AGBL1: variants seen among roughly 807,000 people sequenced by gnomAD.
The protein encoded by AGBL1 is AGBL carboxypeptidase 1.
A neutral mutation model predicts 118.9 loss-of-function variants in AGBL1; 130 were observed. The ratio of observed to expected loss-of-function variants is 1.09; its 90% confidence interval spans 0.95 to 1.26. The LOEUF (loss-of-function observed/expected upper bound fraction) is 1.26, where lower values mean the gene tolerates loss of function less well. Among genes scored for constraint, AGBL1 ranks in the 50% most tolerant of loss-of-function variants. The pLI is 0.00. For missense variants in AGBL1, 1,584 were observed against 1,298.1 expected, an observed-to-expected ratio of 1.22 and a Z score of -3.38; for synonymous variants, 555 against 478.9, an observed-to-expected ratio of 1.16 and a Z score of -2.08.
intron 22 of AGBL1, among the ~76,000 whole-genome samples, chr15:86,750,335 C>G (rs557979584): frequency 6.6e-6 from 1 of 151,788 alleles, no homozygotes; most frequent in South Asian, 2.1e-4. Flanking sequence ...ATTTCAATAC[C>G]TGTATACAAT....
chr15:86,591,367 G>C (rs527266753), intron 21 of AGBL1, among the ~76,000 whole-genome samples: 1 of 152,272 alleles, frequency 6.6e-6, no homozygotes, highest in South Asian at 2.1e-4. Context: ...CCTACAGATA[G>C]TGCCAGATGC....
chr15:86,523,260 T>A (rs1414443849), intron 19 of AGBL1, among the ~76,000 whole-genome samples: 2 of 152,204 alleles, frequency 1.3e-5, no homozygotes, highest in African/African-American at 4.8e-5. Context: ...TGGTGGTTGC[T>A]AGCAATCTTT....
chr15:86,889,153 C>T (rs1377251072), intron 22 of AGBL1, among the ~76,000 whole-genome samples: 3 of 151,960 alleles, frequency 2.0e-5, no homozygotes, highest in Admixed American at 6.6e-5. Context: ...CATAGTTTAT[C>T]CTTATGTGGC....
chr15:86,931,962 A>G (rs901028625), intron 23 of AGBL1, among the ~76,000 whole-genome samples: 1 of 152,220 alleles, frequency 6.6e-6, no homozygotes, highest in East Asian at 1.9e-4. Flanking sequence ...TTAAATGCCT[A>G]CTTGTGGTTC....
chr15:86,628,839 C>T (rs569069647), intron 21 of AGBL1, among the ~76,000 whole-genome samples: 1 of 152,084 alleles, frequency 6.6e-6, no homozygotes, highest in Admixed American at 6.6e-5. Context: ...TTTTAAATGT[C>T]TTCAGCTTTA....
intron 22 of AGBL1, among the ~76,000 whole-genome samples, chr15:86,893,909 T>G (rs2080086442): frequency 6.6e-6 from 1 of 152,180 alleles, no homozygotes; most frequent in African/African-American, 2.4e-5. Context: ...AGATTCCCAT[T>G]TTACACATGA....
rs191712280 is a variant in AGBL1, at chr15:86,799,890, T to A, written c.3159-107197T>A. Among the ~76,000 whole-genome samples, 378 of 152,192 alleles carry A rather than the reference T, an allele frequency of 2.5e-3. 1 individual carries two copies. The highest frequency in any genetic ancestry group is 8.9e-3 in the African/African-American group (369 of 41,544). On this transcript the variant is annotated intron_variant, in intron 22 of 22. Coordinates refer to ENST00000614907, the MANE Select transcript of AGBL1 (RefSeq NM_001386094.1). ...ATTAATTACCATGTAACTGGCAGTG[T>A]TTAGATTGGAAAATTAAGGCTCCAG... is the stretch of plus-strand genomic sequence containing the variant.
At chr15:86,255,785 AAAAG>A in intron 7 of AGBL1, among the ~76,000 whole-genome samples, 1 of 152,206 alleles carries the variant, frequency 6.6e-6, no homozygotes, top group Admixed American at 6.5e-5. Context: ...GTCTAAAAAA[AAAAG>A]AAAGTTGACT....
intron 17 of AGBL1, among the ~76,000 whole-genome samples, chr15:86,353,049 T>C (rs1439097048): frequency 6.6e-6 from 1 of 152,222 alleles, no homozygotes; most frequent in Non-Finnish European, 1.5e-5. Flanking sequence ...TTATAAAGCA[T>C]CTGTTGCAGT....
At chr15:86,475,179 A>G (rs2082539516) in intron 18 of AGBL1, among the ~76,000 whole-genome samples, 1 of 152,220 alleles carries the variant, frequency 6.6e-6, no homozygotes, top group African/African-American at 2.4e-5. Context: ...CTCCCCCTCC[A>G]AAGGAACGCG....
At chr15:86,090,478 A>T (rs1023169111) in intron 1 of AGBL1, among the ~76,000 whole-genome samples, 2 of 152,170 alleles carry the variant, frequency 1.3e-5, no homozygotes, top group African/African-American at 2.4e-5. Flanking sequence ...CTATATCTTT[A>T]TCATTTTTAC....
At chr15:86,894,981 G>A (rs754908938) in intron 22 of AGBL1, among the ~76,000 whole-genome samples, 5 of 151,052 alleles carry the variant, frequency 3.3e-5, no homozygotes, top group Non-Finnish European at 7.4e-5. Context: ...AGGACACAGT[G>A]ACTCTGACCA....
At chr15:86,997,574 T>TAG (rs2141753430) in intron 24 of AGBL1, among the ~76,000 whole-genome samples, 2 of 152,192 alleles carry the variant, frequency 1.3e-5, no homozygotes, top group South Asian at 4.2e-4. Context: ...AAAAGCACAA[T>TAG]AGATATTGAT....
intron 19 of AGBL1, among the ~76,000 whole-genome samples, chr15:86,528,189 T>A (rs2083294009): frequency 2.0e-5 from 3 of 152,180 alleles, no homozygotes; most frequent in Admixed American, 6.5e-5. Flanking sequence ...CATTTCCATC[T>A]GAGGTACCGG....
At chr15:87,014,848 C>T (rs1323977762) in intron 24 of AGBL1, among the ~76,000 whole-genome samples, 1 of 151,988 alleles carries the variant, frequency 6.6e-6, no homozygotes, top group African/African-American at 2.4e-5. Flanking sequence ...TTTCTGTAGC[C>T]ATGCTTGATG....
chr15:86,576,805 C>A (rs1448604795), intron 21 of AGBL1, among the ~76,000 whole-genome samples: 1 of 152,198 alleles, frequency 6.6e-6, no homozygotes, highest in African/African-American at 2.4e-5. Flanking sequence ...AGTTTCCTTG[C>A]ACAAGCCCTC....
At chr15:86,429,592 C>T (rs2081910802) in intron 18 of AGBL1, among the ~76,000 whole-genome samples, 1 of 152,208 alleles carries the variant, frequency 6.6e-6, no homozygotes, top group Non-Finnish European at 1.5e-5. Flanking sequence ...CAATTCATCT[C>T]TGAGGAATCT....
At chr15:86,571,934 G>A (rs1020297575) in intron 21 of AGBL1, among the ~76,000 whole-genome samples, 4 of 152,338 alleles carry the variant, frequency 2.6e-5, no homozygotes, top group South Asian at 2.1e-4. Context: ...CATGCTAAGG[G>A]AAGCCTGAAG....
At chr15:86,103,700 G>T (rs1020182849) in intron 1 of AGBL1, among the ~76,000 whole-genome samples, 20 of 152,226 alleles carry the variant, frequency 1.3e-4, no homozygotes, top group Non-Finnish European at 8.8e-5. Flanking sequence ...TGCTGGGGAT[G>T]AAAACACCAG....
Sources: allele counts gnomAD v4.1 joint callset (sites outside exome capture counted in the v4.1 genomes callset), GRCh38; gene constraint gnomAD v4.1.1; transcripts MANE v1.5; gene names NCBI Gene and HGNC (gene_info 2026-07-23, HGNC 2026-07-21).